CBLB: variants seen among roughly 807,000 people sequenced by gnomAD.
The protein encoded by CBLB is Cbl proto-oncogene B, also known as E3 ubiquitin-protein ligase CBL-B.
In CBLB, 31 loss-of-function variants were observed where a neutral mutation model predicts 104.9. That is an observed-to-expected ratio of 0.30 (90% CI 0.22 to 0.40). CBLB has a LOEUF of 0.40. CBLB is among the 10% of genes least tolerant of loss of function. The probability of loss-of-function intolerance (pLI) is 1.00; values close to 1 mark genes in which losing one functional copy is unlikely to be tolerated. For synonymous variants in CBLB, 440 were observed against 422.6 expected, an observed-to-expected ratio of 1.04 and a Z score of -0.51; for missense variants, 1,062 against 1,214.6, an observed-to-expected ratio of 0.87 and a Z score of 1.87.
chr3:105,657,821 T>C lies in CBLB; in HGVS notation c.*1149A>G. 1 of 206,468 alleles carries C rather than the reference T, an allele frequency of 4.8e-6. No homozygotes were observed. The highest frequency in any genetic ancestry group is 7.4e-5 in the East Asian group (1 of 13,522). The allele number at this position is 206,468 out of a possible 1,614,324, so 12.8% of individuals were successfully genotyped here. On this transcript the variant is annotated 3_prime_UTR_variant, in exon 19 of 19. Coordinates refer to ENST00000394030, the MANE Select transcript of CBLB (RefSeq NM_170662.5). ...TCTAATTTGATTGCAGAGAGAAAAT[T>C]ACTGAGAACTTTGCAAAAAACATTG...
intron 3 of CBLB, among the ~76,000 whole-genome samples, chr3:105,834,752 C>T (rs1004859657): frequency 1.5e-4 from 23 of 152,124 alleles, no homozygotes; most frequent in Non-Finnish European, 2.9e-4. Flanking sequence ...CTCAAGTATT[C>T]AGAAACAAAA....
chr3:105,736,261 C>T (rs1198575051), intron 8 of CBLB, among the ~76,000 whole-genome samples: 1 of 152,112 alleles, frequency 6.6e-6, no homozygotes, highest in African/African-American at 2.4e-5. Context: ...TCCCTTTTCA[C>T]CTCCTCAGTT....
chr3:105,684,823 T>C (rs559478631), intron 14 of CBLB, among the ~76,000 whole-genome samples: 2 of 152,322 alleles, frequency 1.3e-5, no homozygotes, highest in South Asian at 2.1e-4. Context: ...AGTGCTAGGA[T>C]TACAGGCGTG....
At chr3:105,693,351 T>C in intron 13 of CBLB, 143 bp downstream of exon 13, 1 of 652,816 alleles carries the variant, frequency 1.5e-6, no homozygotes, top group Non-Finnish European at 2.8e-6. Context: ...TAATTTATGG[T>C]AATTTAGTTT....
intron 7 of CBLB, among the ~76,000 whole-genome samples, chr3:105,739,402 G>A (rs1358893070): frequency 6.6e-6 from 1 of 151,960 alleles, no homozygotes; most frequent in East Asian, 1.9e-4. Context: ...GTTTGATCAC[G>A]AGCATCTCTA....
chr3:105,674,777 T>C (rs1412939095), intron 17 of CBLB, among the ~76,000 whole-genome samples: 1 of 152,160 alleles, frequency 6.6e-6, no homozygotes, highest in African/African-American at 2.4e-5. Context: ...CAGGTTTTGT[T>C]AAGATATGAT....
At chr3:105,760,619 A>G (rs902013281) in intron 4 of CBLB, among the ~76,000 whole-genome samples, 1 of 140,932 alleles carries the variant, frequency 7.1e-6, no homozygotes, top group Non-Finnish European at 1.6e-5. Context: ...AGAATTACAA[A>G]CAAAAAAAAA....
intron 9 of CBLB, among the ~76,000 whole-genome samples, chr3:105,728,854 A>G (rs542572071): frequency 6.6e-6 from 1 of 152,314 alleles, no homozygotes; most frequent in East Asian, 1.9e-4. Context: ...TATGACAGCA[A>G]TTAAAGAGTA....
intron 9 of CBLB, among the ~76,000 whole-genome samples, chr3:105,730,118 G>A (rs1456233897): frequency 2.0e-5 from 3 of 151,842 alleles, no homozygotes; most frequent in African/African-American, 7.3e-5. Context: ...CATGAACCGG[G>A]GATTACTGTG....
chr3:105,801,592 G>GTCT (rs911512698), intron 3 of CBLB, among the ~76,000 whole-genome samples: 1 of 152,168 alleles, frequency 6.6e-6, no homozygotes, highest in Non-Finnish European at 1.5e-5. Context: ...ACATGAAATG[G>GTCT]TCTTCTTCAC....
intron 4 of CBLB, among the ~76,000 whole-genome samples, chr3:105,753,625 TGAA>T (rs2076785411): frequency 6.6e-6 from 1 of 152,184 alleles, no homozygotes; most frequent in Non-Finnish European, 1.5e-5. Flanking sequence ...ATTTTTCGTA[TGAA>T]GAAGTTAAAG....
intron 10 of CBLB, among the ~76,000 whole-genome samples, chr3:105,704,554 C>T (rs945452626): frequency 6.6e-6 from 1 of 151,860 alleles, no homozygotes; most frequent in Non-Finnish European, 1.5e-5. Context: ...TTTTTTTGCT[C>T]GAGCTTTGTA....
intron 8 of CBLB, among the ~76,000 whole-genome samples, chr3:105,735,107 GATAA>G (rs1379614254): frequency 3.9e-5 from 6 of 152,126 alleles, no homozygotes; most frequent in East Asian, 1.9e-4. Context: ...CACGGAGTAG[GATAA>G]ATAAATAATA....
intron 3 of CBLB, among the ~76,000 whole-genome samples, chr3:105,791,000 G>T (rs930101030): frequency 6.6e-6 from 1 of 152,118 alleles, no homozygotes; most frequent in African/African-American, 2.4e-5. Context: ...TGCATGAGTG[G>T]GGAGTTCAAA....
intron 13 of CBLB, among the ~76,000 whole-genome samples, chr3:105,692,339 A>C (rs563979637): frequency 6.6e-6 from 1 of 152,304 alleles, no homozygotes; most frequent in South Asian, 2.1e-4. Context: ...TTTCAATTGG[A>C]GAGTCACATT....
intron 4 of CBLB, among the ~76,000 whole-genome samples, chr3:105,761,965 C>A (rs1372341473): frequency 6.6e-6 from 1 of 152,134 alleles, no homozygotes; most frequent in Non-Finnish European, 1.5e-5. Context: ...TTGTTGGGAA[C>A]TGAAGTAAAG....
intron 14 of CBLB, among the ~76,000 whole-genome samples, chr3:105,683,864 T>C (rs1008588029): frequency 6.6e-6 from 1 of 152,232 alleles, no homozygotes; most frequent in African/African-American, 2.4e-5. Flanking sequence ...TCCTGCGCTG[T>C]AGACTATTAA....
chr3:105,704,102 C>CTG lies in CBLB; in HGVS notation c.1477_1478dup (p.Gln493HisfsTer11). ...GATGTGGGATCTGGAGTGGGTCAGGCTGTGGCTTTCTTCTCTGGGCAAGGG... is the reference window on the plus strand; with the variant it reads ...GATGTGGGATCTGGAGTGGGTCAGGCTGTGTGGCTTTCTTCTCTGGGCAAGGG... On this transcript the variant is annotated frameshift_variant, in exon 11 of 19. Coordinates refer to ENST00000394030, the MANE Select transcript of CBLB (RefSeq NM_170662.5). LOFTEE classifies it high-confidence loss of function. 1.2e-6 allele frequency: 2 copies of CTG among 1,614,086 alleles called. No individual in the cohort carries two copies. The highest frequency in any genetic ancestry group is 1.7e-6 in the Non-Finnish European group (2 of 1,179,992).
chr3:105,787,569 G>A (rs1484403036), intron 3 of CBLB, among the ~76,000 whole-genome samples: 1 of 152,078 alleles, frequency 6.6e-6, no homozygotes, highest in Non-Finnish European at 1.5e-5. Flanking sequence ...TATGCTTTAA[G>A]CAAAAACTGT....
Sources: gnomAD v4.1 joint callset for allele counts (sites outside exome capture counted in the v4.1 genomes callset) on GRCh38, gnomAD v4.1.1 for gene constraint, MANE v1.5 for transcripts, NCBI Gene and HGNC (gene_info 2026-07-23, HGNC 2026-07-21) for gene names.